Variants in SLC36A1 observed in about 807,000 individuals in gnomAD.
SLC36A1 encodes the protein proton-coupled amino acid transporter 1.
A neutral mutation model predicts 47.5 loss-of-function variants in SLC36A1; 30 were observed. The observed-to-expected ratio is 0.63, with a 90% CI of 0.47 to 0.86. The LOEUF (loss-of-function observed/expected upper bound fraction) is 0.86, where lower values mean the gene tolerates loss of function less well. Among genes scored for constraint, SLC36A1 ranks in the 40% least tolerant of loss-of-function variants. The pLI is 0.00. For missense variants in SLC36A1, 517 were observed against 606.0 expected (o/e 0.85, Z 1.54); for synonymous variants, 255 against 249.7 (o/e 1.02, Z -0.20).
chr5:151,544,747 A>G, the SLC36A1 span: 1 of 1,614,164 alleles, frequency 6.2e-7, no homozygotes, highest in Middle Eastern at 1.6e-4. Context: ...GGGTTTCTTG[A>G]GTGATATGTC....
chr5:151,389,614 T>A, the SLC36A1 span, among the ~76,000 whole-genome samples: 1 of 96,232 alleles, frequency 1.0e-5, no homozygotes, highest in Non-Finnish European at 1.9e-5. Context: ...TGTGTCCAAG[T>A]GTTCTTATTG....
intron 1 of SLC36A1, among the ~76,000 whole-genome samples, chr5:151,441,012 T>TC (rs1452462452): frequency 1.3e-5 from 2 of 152,112 alleles, no homozygotes; most frequent in African/African-American, 4.8e-5. Flanking sequence ...CAGATTGCTG[T>TC]GCCCCCACAA....
chr5:151,492,577 G>C (rs1343377784), downstream of SLC36A1, among the ~76,000 whole-genome samples: 2 of 151,602 alleles, frequency 1.3e-5, no homozygotes, highest in African/African-American at 4.8e-5. Context: ...TTTTCTGTTA[G>C]ACAATCCTCC....
the SLC36A1 span, among the ~76,000 whole-genome samples, chr5:151,553,866 T>G: frequency 4.6e-5 from 7 of 152,200 alleles, no homozygotes; most frequent in Non-Finnish European, 1.0e-4. Flanking sequence ...AAACTAAGGC[T>G]CAGTGTGGTC....
intron 7 of SLC36A1, among the ~76,000 whole-genome samples, chr5:151,473,165 A>G (rs1231737060): frequency 2.0e-5 from 3 of 148,638 alleles, no homozygotes; most frequent in African/African-American, 7.5e-5. Context: ...ACAGAAGGAG[A>G]CTCTGTCTCT....
chr5:151,438,297 C>T (rs1759893472), intron 1 of SLC36A1, among the ~76,000 whole-genome samples: 1 of 152,068 alleles, frequency 6.6e-6, no homozygotes, highest in Non-Finnish European at 1.5e-5. Context: ...TATATGAACA[C>T]CCTACTTACC....
chr5:151,506,957 C>G, the SLC36A1 span, among the ~76,000 whole-genome samples: 4 of 152,306 alleles, frequency 2.6e-5, 1 homozygote, highest in South Asian at 6.2e-4. Flanking sequence ...TAAAGGAGTG[C>G]AATAGAATGA....
At chr5:151,346,289 G>A in the SLC36A1 span, among the ~76,000 whole-genome samples, 1 of 152,002 alleles carries the variant, frequency 6.6e-6, no homozygotes, top group African/African-American at 2.4e-5. Flanking sequence ...CTAGCCCTGG[G>A]GCGACAGCAC....
At chr5:151,440,044 C>T (rs79515721) in intron 1 of SLC36A1, among the ~76,000 whole-genome samples, 196 of 152,272 alleles carry the variant, frequency 1.3e-3, no homozygotes, top group African/African-American at 4.5e-3. Flanking sequence ...TATACTACAG[C>T]GAAGAATTAC....
At chr5:151,372,777 G>A in the SLC36A1 span, among the ~76,000 whole-genome samples, 81,643 of 151,992 alleles carry the variant, frequency 0.54, 25,137 homozygotes, top group African/African-American at 0.86. Flanking sequence ...TGGACTCAAT[G>A]AAGACAAGGA....
upstream of SLC36A1, among the ~76,000 whole-genome samples, chr5:151,443,307 T>C (rs2127442268): frequency 6.6e-6 from 1 of 152,328 alleles, no homozygotes; most frequent in South Asian, 2.1e-4. Flanking sequence ...AATTCCCTTT[T>C]CTCGACATCC....
chr5:151,528,089 G>C, the SLC36A1 span: 3 of 1,614,190 alleles, frequency 1.9e-6, no homozygotes, highest in Non-Finnish European at 2.5e-6. Context: ...TGAGGCTATA[G>C]GTAATGTCAC....
the SLC36A1 span, among the ~76,000 whole-genome samples, chr5:151,520,362 T>C: frequency 2.0e-5 from 3 of 152,226 alleles, no homozygotes; most frequent in Non-Finnish European, 4.4e-5. Context: ...CACACAGATA[T>C]TTGAATAACG....
At chr5:151,421,159 C>T in the SLC36A1 span, among the ~76,000 whole-genome samples, 6 of 129,044 alleles carry the variant, frequency 4.6e-5, no homozygotes, top group South Asian at 3.1e-4. Flanking sequence ...AGGCGTGAGC[C>T]ACCACGCCCT....
the SLC36A1 span, among the ~76,000 whole-genome samples, chr5:151,548,740 CA>C: frequency 2.6e-5 from 4 of 152,192 alleles, no homozygotes; most frequent in African/African-American, 9.7e-5. Flanking sequence ...CTCGGCCTCC[CA>C]AAGTGCTAGG....
chr5:151,377,341 CTCTT>C, the SLC36A1 span, among the ~76,000 whole-genome samples: 3 of 138,060 alleles, frequency 2.2e-5, no homozygotes, highest in African/African-American at 5.5e-5. Flanking sequence ...GTATTGCTGT[CTCTT>C]TCTTTTTTTT....
the SLC36A1 span, chr5:151,553,029 G>A: frequency 1.4e-6 from 1 of 693,250 alleles, no homozygotes; most frequent in Admixed American, 2.6e-5. Context: ...GAGAACCAGG[G>A]AAGAGGCAGT....
At chr5:151,388,723 G>A in the SLC36A1 span, among the ~76,000 whole-genome samples, 1 of 152,054 alleles carries the variant, frequency 6.6e-6, no homozygotes, top group African/African-American at 2.4e-5. Context: ...GAATTCACGT[G>A]AGATCAGAGA....
chr5:151,358,329 A>T, the SLC36A1 span, among the ~76,000 whole-genome samples: 1 of 151,346 alleles, frequency 6.6e-6, no homozygotes, highest in Non-Finnish European at 1.5e-5. Flanking sequence ...GTTGTAGTGC[A>T]TTGGTGATCC....
Sources: allele counts gnomAD v4.1 joint callset (sites outside exome capture counted in the v4.1 genomes callset), GRCh38; gene constraint gnomAD v4.1.1; transcripts MANE v1.5; gene names NCBI Gene and HGNC (gene_info 2026-07-23, HGNC 2026-07-21).